Variants in INTS1 observed in about 807,000 individuals in gnomAD.
INTS1 encodes the protein integrator complex subunit 1.
A neutral mutation model predicts 241.6 loss-of-function variants in INTS1; 137 were observed. The ratio of observed to expected loss-of-function variants is 0.57; its 90% confidence interval spans 0.49 to 0.65. The LOEUF is 0.65. Ranked by LOEUF, INTS1 falls within the 30% of genes least tolerant of loss-of-function variation. The pLI, the probability that INTS1 is intolerant of heterozygous loss-of-function variation, is 0.00. For synonymous variants in INTS1, 1,692 were observed against 1,337.8 expected (o/e 1.26, Z -5.78); for missense variants, 3,073 against 3,032.2 (o/e 1.01, Z -0.32).
Position 1,486,671 on chromosome 7 carries a change from C to A in INTS1, c.2930G>T (p.Arg977Leu). 1 of 1,612,258 alleles carries A rather than the reference C, an allele frequency of 6.2e-7. No homozygotes were observed. The highest frequency in any genetic ancestry group is 8.5e-7 in the Non-Finnish European group (1 of 1,179,650). Residue 977 changes from arginine to leucine, a missense_variant, in exon 22 of 48, where the codon CGG (arginine) becomes CTG (leucine). Coordinates refer to ENST00000404767, the MANE Select transcript of INTS1 (RefSeq NM_001080453.3). ...GGCCACCTGGGAGGAGCCGAGGCGC[C>A]GCAAGAAGTAGTCCAGCACCTCACA... ...TTCEVLDYFLRRLGSSQVASR... is the reference protein window; with the variant it reads ...TTCEVLDYFLLRLGSSQVASR...
chr7:1,492,263 G>A (rs73040932), intron 16 of INTS1, among the ~76,000 whole-genome samples: 6 of 152,328 alleles, frequency 3.9e-5, no homozygotes, highest in Non-Finnish European at 7.3e-5. Flanking sequence ...CCTCAGCCAC[G>A]AGGAGGACTT....
Position 1,478,717 on chromosome 7 carries a change from G to A in INTS1, c.4489+9C>T, listed in dbSNP as rs747966126. On this transcript the variant is annotated intron_variant, in intron 32 of 47. Coordinates refer to ENST00000404767, the MANE Select transcript of INTS1 (RefSeq NM_001080453.3). Reference sequence around the variant, plus strand: ...CCCCAGCCGTCTGCCAGCCCGGCGCGGTCCTCACCATCACTGAGCCTGCGC... The same window carrying A: ...CCCCAGCCGTCTGCCAGCCCGGCGCAGTCCTCACCATCACTGAGCCTGCGC... 34 of 1,557,502 alleles carry A rather than the reference G, an allele frequency of 2.2e-5. No homozygotes were observed. The highest frequency in any genetic ancestry group is 1.1e-4 in the Admixed American group (6 of 56,044).
chr7:1,501,942 T>G (rs551110495), intron 3 of INTS1, among the ~76,000 whole-genome samples: 1 of 152,170 alleles, frequency 6.6e-6, no homozygotes, highest in South Asian at 2.1e-4. Context: ...CTGCCCCGGT[T>G]TCATCGCCTG....
At chr7:1,487,162 C>A in intron 20 of INTS1, 61 bp from the exon 21 acceptor site, 3 of 1,524,754 alleles carry the variant, frequency 2.0e-6, no homozygotes, top group South Asian at 1.2e-5. Flanking sequence ...GCCGCCAGCC[C>A]CCCGGGTGAC....
intron 1 of INTS1, 68 bp downstream of exon 1, chr7:1,504,255 G>T: frequency 3.4e-6 from 2 of 593,392 alleles, no homozygotes; most frequent in Non-Finnish European, 6.1e-6. Flanking sequence ...CAGAGGCCGG[G>T]AGCGGTAGCC....
In INTS1 at chr7:1,499,037, C is replaced by T. The variant is rs543981555; in HGVS notation, c.1075G>A (p.Gly359Ser). The change falls in exon 8 of 48, where the codon GGC (glycine) becomes AGC (serine). Residue 359 changes from glycine to serine, a missense_variant. Physicochemically the swap from Gly to Ser is moderately conservative, Grantham distance 56 (BLOSUM62 0). Transcript: ENST00000404767. ...GCCAGCAGCCGCACCTCCTTATAGC[C>T]GCAGGTGGAGGTGAGGAGCCGCAGG... ...NLLRLLTSTC[G>S]YKEVRLLAVQ... The T allele has an allele frequency of 2.5e-6, 4 of 1,582,066 alleles. No homozygotes were observed. Among genetic ancestry groups the T allele is most frequent in the Non-Finnish European group, 2.6e-6 (3 of 1,165,488 alleles).
chr7:1,498,941 C>CCCGGGG, intron 8 of INTS1, 34 bp downstream of exon 8: 2 of 1,344,072 alleles, frequency 1.5e-6, no homozygotes, highest in Non-Finnish European at 2.0e-6. Flanking sequence ...CCCCCACCCC[C>CCCGGGG]TGCCCCGCCC....
In INTS1 at chr7:1,477,771, G is replaced by A. The variant is rs147391129; in HGVS notation, c.4796C>T (p.Pro1599Leu). 4.2e-4 allele frequency: 674 copies of A among 1,612,338 alleles called. No homozygotes were observed. In the African/African-American group the frequency reaches 5.0e-3, roughly 12 times the overall value. ...QEEEPLAGGK[P>L]GADGGSLEAV... is the part of the protein sequence containing the mutation. ...AGCTCACCTGCCACCGTCCGCACCCGGCTTCCCCCCAGCCAGGGGCTCCTC... is the reference window on the plus strand; with the variant it reads ...AGCTCACCTGCCACCGTCCGCACCCAGCTTCCCCCCAGCCAGGGGCTCCTC... The change falls in exon 34 of 48, where the codon CCG becomes CTG. Residue 1599 changes from proline (P) to leucine (L), a missense_variant. Physicochemically the swap from Pro to Leu is moderately conservative, Grantham distance 98. Coordinates refer to ENST00000404767, the MANE Select transcript of INTS1 (RefSeq NM_001080453.3).
chr7:1,489,437 C>G lies in INTS1; in HGVS notation c.2258-33G>C, dbSNP rs761933320. On this transcript the variant is annotated intron_variant, in intron 17 of 47. Transcript: ENST00000404767. ...ACCGGAGGGTGTGGGGCTGGCCAGG[C>G]TCCCCTGGGCACCAGGCGTGTGACC... 5 of 1,109,158 alleles carry G rather than the reference C, an allele frequency of 4.5e-6. No individual in the cohort carries two copies. In the African/African-American group the frequency reaches 1.7e-4, roughly 37 times the overall value. 68.7% of individuals were successfully genotyped at this position (1,109,158 alleles called of 1,614,324 possible). A position where few individuals can be genotyped will look rare whatever the true frequency, so the allele number is the denominator to read the frequency against.
chr7:1,498,550 C>G lies in INTS1; in HGVS notation c.1287G>C (p.Glu429Asp). 1.9e-6 allele frequency: 3 copies of G among 1,613,690 alleles called. No homozygotes were observed. Among genetic ancestry groups the G allele is most frequent in the Non-Finnish European group, 2.5e-6 (3 of 1,179,844 alleles). ...GGTTGTCCTTGTGCGCGCTCAGCAGCTCCCTGGGTGAGGTGAGGGTACAGA... is the reference window on the plus strand; with the variant it reads ...GGTTGTCCTTGTGCGCGCTCAGCAGGTCCCTGGGTGAGGTGAGGGTACAGA... ...LLNHFMLCIR[E>D]LLSAHKDNLG... Residue 429 changes from glutamate (E) to aspartate (D), a missense_variant, in exon 10 of 48, where the codon GAG becomes GAC. By Grantham distance (45) the Glu-to-Asp change is conservative. Coordinates refer to ENST00000404767, the MANE Select transcript of INTS1 (RefSeq NM_001080453.3).
rs1203923471 is a variant in INTS1 at position 1,478,744 on chromosome 7, C to T, written c.4471G>A (p.Gly1491Arg). The change falls in exon 32 of 48, where the codon GGG becomes AGG. Residue 1491 changes from glycine (G) to arginine (R), a missense_variant. Coordinates refer to ENST00000404767, the MANE Select transcript of INTS1 (RefSeq NM_001080453.3). ...LRMLASQASAGRRLSDVRGGL... is the reference protein window; with the variant it reads ...LRMLASQASARRRLSDVRGGL... ...TCCTCACCATCACTGAGCCTGCGCCCGGCTGAGGCCTGGCTGGCAAGCATC... is the reference window on the plus strand; with the variant it reads ...TCCTCACCATCACTGAGCCTGCGCCTGGCTGAGGCCTGGCTGGCAAGCATC... 12 of 1,585,960 alleles carry T rather than the reference C, an allele frequency of 7.6e-6. No individual in the cohort carries two copies. The highest frequency in any genetic ancestry group is 5.2e-5 in the Admixed American group (3 of 58,220).
chr7:1,495,636 C>T (rs547039467), intron 12 of INTS1, 83 bp from the exon 13 acceptor site: 3 of 1,516,698 alleles, frequency 2.0e-6, no homozygotes, highest in Non-Finnish European at 2.7e-6. Flanking sequence ...CAACTCAATG[C>T]TGGCACTTGG....
chr7:1,486,336 T>C (rs1413948217), intron 22 of INTS1, among the ~76,000 whole-genome samples: 4 of 151,798 alleles, frequency 2.6e-5, no homozygotes, highest in Non-Finnish European at 4.4e-5. Context: ...CAATCTTGGC[T>C]CACCTCAACC....
intron 32 of INTS1, 88 bp downstream of exon 32, chr7:1,478,638 G>A: frequency 1.3e-6 from 2 of 1,486,848 alleles, no homozygotes; most frequent in Non-Finnish European, 1.8e-6. Context: ...CCACTGCCCA[G>A]GCCTCGGGGT....
At position 1,499,573 on chromosome 7, in the gene INTS1, C is replaced by T. The variant is rs373710284; in HGVS notation, c.744G>A (p.Thr248=). The change falls in exon 6 of 48, where the codon ACG becomes ACA. Residue 248 remains threonine (T), a synonymous_variant. Coordinates refer to ENST00000404767, the MANE Select transcript of INTS1 (RefSeq NM_001080453.3). ...RIWVDSPHCK[T]FVDNIQTAFN... is the part of the protein sequence containing the mutation. ...AGGCCGTCTGGATGTTGTCCACAAA[C>T]GTCTTACAGTGAGGGCTGTCCACCC... 3.0e-5 allele frequency: 48 copies of T among 1,613,404 alleles called. No homozygotes were observed. The highest frequency in any genetic ancestry group is 2.9e-4 in the African/African-American group (22 of 74,940).
At chr7:1,504,277 G>A (rs1469898679) in intron 1 of INTS1, 46 bp downstream of exon 1, 3 of 572,230 alleles carry the variant, frequency 5.2e-6, no homozygotes, top group South Asian at 3.2e-5. Flanking sequence ...GGAGAACCAG[G>A]CGCTCGCCCG....
chr7:1,495,759 C>G (rs1782817552), intron 12 of INTS1, among the ~76,000 whole-genome samples: 1 of 152,120 alleles, frequency 6.6e-6, no homozygotes, highest in Non-Finnish European at 1.5e-5. Flanking sequence ...TCCTCCTGTT[C>G]CGAGTGACTC....
chr7:1,476,223 G>A lies in INTS1; in HGVS notation c.5378+6C>T. The stretch of plus-strand genomic sequence containing the variant: ...GGCAGCATCTGGGGCCGGGGGGCCT[G>A]AGCACCTGTCTCCCCACTGCTGGAT... On this transcript the variant is annotated splice_donor_region_variant and intron_variant, in intron 38 of 47. Transcript: ENST00000404767. The A allele has an allele frequency of 1.3e-6, 2 of 1,548,584 alleles. No homozygotes were observed. Among genetic ancestry groups the A allele is most frequent in the Non-Finnish European group, 8.7e-7 (1 of 1,147,682 alleles).
At chr7:1,488,010 C>T (rs767186584) in intron 18 of INTS1, 53 bp from the exon 19 acceptor site, 89 of 1,557,006 alleles carry the variant, frequency 5.7e-5, no homozygotes, top group Admixed American at 1.5e-4. Context: ...GGGCTCACTC[C>T]CAGTGGGCCA....
Sources: gnomAD v4.1 joint callset for allele counts (sites outside exome capture counted in the v4.1 genomes callset) on GRCh38, gnomAD v4.1.1 for gene constraint, MANE v1.5 for transcripts, NCBI Gene and HGNC (gene_info 2026-07-23, HGNC 2026-07-21) for gene names.